RGPD8: variants seen among roughly 807,000 people sequenced by gnomAD.
The protein encoded by RGPD8 is RANBP2-like and GRIP domain-containing protein 8.
In RGPD8, 15 loss-of-function variants were observed where a neutral mutation model predicts 89.1. The observed-to-expected ratio is 0.17, with a 90% CI of 0.11 to 0.26. The LOEUF (loss-of-function observed/expected upper bound fraction) is 0.26. Among genes scored for constraint, RGPD8 ranks in the 10% least tolerant of loss-of-function variants. The pLI is 1.00. For synonymous variants in RGPD8, 62 were observed against 420.9 expected, an observed-to-expected ratio of 0.15 and a Z score of 10.44; for missense variants, 178 against 1,179.6, an observed-to-expected ratio of 0.15 and a Z score of 12.44.
chr2:112,428,718 A>ATCAG (rs1553506583), intron 1 of RGPD8, among the ~76,000 whole-genome samples: 5 of 143,150 alleles, frequency 3.5e-5, no homozygotes, highest in Admixed American at 7.1e-5. Flanking sequence ...CAATCAATCA[A>ATCAG]TGTTTTAAGC....
At chr2:112,409,194 A>G (rs1484651725) in intron 7 of RGPD8, among the ~76,000 whole-genome samples, 1 of 89,496 alleles carries the variant, frequency 1.1e-5, no homozygotes, top group African/African-American at 5.0e-5. Flanking sequence ...CAAATAAAAT[A>G]CAAGCATCTA....
At chr2:112,415,712 CA>C (rs1228042690) in intron 6 of RGPD8, among the ~76,000 whole-genome samples, 30,073 of 91,490 alleles carry the variant, frequency 0.33, 3,453 homozygotes, top group East Asian at 0.43. Flanking sequence ...GACTCTGTCT[CA>C]AAAAAAAAAA....
intron 1 of RGPD8, among the ~76,000 whole-genome samples, chr2:112,430,546 T>C (rs1400020686): frequency 2.0e-5 from 3 of 152,098 alleles, no homozygotes; most frequent in Non-Finnish European, 4.4e-5. Flanking sequence ...AGAAGTTATG[T>C]AGTTGAAAGA....
chr2:112,433,306 G>GGCCGCCGCCGGGCCGGGTCGAGGCC (rs1435842248), intron 1 of RGPD8, 76 bp downstream of exon 1: 1 of 1,487,554 alleles, frequency 6.7e-7, no homozygotes, highest in African/African-American at 1.5e-5. Context: ...GACCCATCGA[G>GGCCGCCGCCGGGCCGGGTCGAGGCC]GCCGCCGCCG....
chr2:112,386,073 AAC>A (rs1389180850), intron 20 of RGPD8: 2 of 122,856 alleles, frequency 1.6e-5, no homozygotes, highest in Non-Finnish European at 3.4e-5. Context: ...TAGGAGAAAT[AAC>A]AGTACACCAT....
chr2:112,413,214 A>G (rs1370585125), intron 6 of RGPD8, among the ~76,000 whole-genome samples: 1 of 137,958 alleles, frequency 7.2e-6, no homozygotes, highest in African/African-American at 3.0e-5. Context: ...TCCACCTCCC[A>G]GGTTCAAGTG....
At chr2:112,370,657 C>T (rs1677940582) in intron 22 of RGPD8, among the ~76,000 whole-genome samples, 1 of 137,546 alleles carries the variant, frequency 7.3e-6, no homozygotes, top group Non-Finnish European at 1.6e-5. Context: ...AGTCACGAGC[C>T]ACTGTACCCA....
At chr2:112,413,705 TTTG>T (rs1679274061) in intron 6 of RGPD8, among the ~76,000 whole-genome samples, 1 of 125,622 alleles carries the variant, frequency 8.0e-6, no homozygotes, top group Non-Finnish European at 1.7e-5. Flanking sequence ...GCTGACTTTT[TTTG>T]TTTTTGTTTT....
intron 1 of RGPD8, among the ~76,000 whole-genome samples, chr2:112,427,389 C>A (rs1334402322): frequency 6.6e-6 from 1 of 152,144 alleles, no homozygotes; most frequent in Non-Finnish European, 1.5e-5. Flanking sequence ...TAGAAAGGAG[C>A]ACAGCCCATG....
At chr2:112,415,922 T>G (rs1205327090) in intron 6 of RGPD8, among the ~76,000 whole-genome samples, 5 of 150,698 alleles carry the variant, frequency 3.3e-5, no homozygotes, top group Non-Finnish European at 7.4e-5. Context: ...GAACCCCGTC[T>G]CTACTAAAAA....
rs950848219 is a variant in RGPD8, at chr2:112,424,106, T to C, written c.140+134A>G. On this transcript the variant is annotated intron_variant, in intron 2 of 22. Transcript: ENST00000302558. ...TCTAGGCTGGTCCTTAGCATCAGTC[T>C]GAGTGATAAATCCCTTATTCCAGAA... The C allele has an allele frequency of 4.4e-5, 52 of 1,178,744 alleles. No homozygotes were observed. In the East Asian group the frequency reaches 1.4e-3, roughly 31 times the overall value. 73.0% of individuals were successfully genotyped at this position (1,178,744 alleles called of 1,614,324 possible). A position where few individuals can be genotyped will look rare whatever the true frequency, so the allele number is the denominator to read the frequency against.
At chr2:112,424,666 C>T (rs1171034209) in intron 1 of RGPD8, among the ~76,000 whole-genome samples, 1 of 151,742 alleles carries the variant, frequency 6.6e-6, no homozygotes, top group Non-Finnish European at 1.5e-5. Context: ...TTGCAGTGAG[C>T]CAGAGGTTGC....
At chr2:112,416,014 C>A (rs535985658) in intron 6 of RGPD8, among the ~76,000 whole-genome samples, 82 of 150,524 alleles carry the variant, frequency 5.4e-4, no homozygotes, top group African/African-American at 1.9e-3. Flanking sequence ...CGCCTGAACC[C>A]GGGAGGCGGA....
rs1457057922 is a variant in RGPD8, at chr2:112,424,655, G to A, written c.73-348C>T. 2.6e-5 allele frequency among the ~76,000 whole-genome samples: 4 copies of A among 151,846 alleles called. No homozygotes were observed. The East Asian group carries it at 7.7e-4, about 29-fold the overall frequency. On this transcript the variant is annotated intron_variant, in intron 1 of 22. Transcript: ENST00000302558. ...AATCAGTTGAACCCAGGAGGTGGAG[G>A]TTGCAGTGAGCCAGAGGTTGCAGTC...
Position 112,433,530 on chromosome 2 carries a change from G to T in RGPD8, c.-77C>A. Reference sequence around the variant, plus strand: ...AGCAGTCGCCACTTCCAAGAGGAAAGTGCCTGCAAGCCACTGAAGCAGCGG... The same window carrying T: ...AGCAGTCGCCACTTCCAAGAGGAAATTGCCTGCAAGCCACTGAAGCAGCGG... On this transcript the variant is annotated 5_prime_UTR_variant, in exon 1 of 23. Coordinates refer to ENST00000302558, the MANE Select transcript of RGPD8 (RefSeq NM_001164463.1). The T allele has an allele frequency of 6.9e-7, 1 of 1,444,508 alleles. No individual in the cohort carries two copies. Among genetic ancestry groups the T allele is most frequent in the South Asian group, 1.2e-5 (1 of 82,130 alleles). 89.5% of individuals were successfully genotyped at this position (1,444,508 alleles called of 1,614,324 possible).
intron 3 of RGPD8, 113 bp downstream of exon 3, chr2:112,422,435 T>A: frequency 4.1e-6 from 6 of 1,478,374 alleles, no homozygotes; most frequent in Non-Finnish European, 5.6e-6. Context: ...TGTACTATGA[T>A]ACCAATGCCT....
intron 20 of RGPD8, among the ~76,000 whole-genome samples, chr2:112,382,176 T>C (rs1573993135): frequency 6.6e-6 from 1 of 152,306 alleles, no homozygotes; most frequent in Non-Finnish European, 1.5e-5. Context: ...GTTTTGGAAC[T>C]TGGACTGGCT....
intron 1 of RGPD8, chr2:112,432,659 C>G (rs1168127166): frequency 1.3e-5 from 13 of 985,344 alleles, no homozygotes; most frequent in Non-Finnish European, 1.6e-5. Context: ...GGAAGAAACC[C>G]GCCGATACAG....
chr2:112,390,178 T>C lies in RGPD8; in HGVS notation c.2767A>G (p.Lys923Glu). Residue 923 changes from lysine to glutamate, a missense_variant, in exon 20 of 23, where the codon AAA becomes GAA. Coordinates refer to ENST00000302558, the MANE Select transcript of RGPD8 (RefSeq NM_001164463.1). ...FSIPVSADGF[K>E]FGISEPGNQE... ...TTTCCTGGTTCCGAAATGCCAAATT[T>C]AAATCCATCAGCAGACACAGGGATG... 1 of 1,575,452 alleles carries C rather than the reference T, an allele frequency of 6.3e-7. No individual in the cohort carries two copies. Among genetic ancestry groups the C allele is most frequent in the Non-Finnish European group, 8.7e-7 (1 of 1,153,132 alleles).
Sources: allele counts gnomAD v4.1 joint callset (sites outside exome capture counted in the v4.1 genomes callset), GRCh38; gene constraint gnomAD v4.1.1; transcripts MANE v1.5; gene names NCBI Gene and HGNC (gene_info 2026-07-23, HGNC 2026-07-21).